Variants in SV2C observed in about 807,000 individuals in gnomAD.
SV2C encodes solute carrier family 22 member B3.
SV2C carries 49 observed loss-of-function variants against 79.7 expected under a neutral mutation model. The observed-to-expected ratio is 0.61, with a 90% CI of 0.49 to 0.78. The LOEUF (loss-of-function observed/expected upper bound fraction) is 0.78, where lower values mean the gene tolerates loss of function less well. Among genes scored for constraint, SV2C ranks in the 30% least tolerant of loss-of-function variants. The pLI, the probability that SV2C is intolerant of heterozygous loss-of-function variation, is 0.00. For synonymous variants in SV2C, 334 were observed against 333.2 expected (o/e 1.00, Z -0.03); for missense variants, 833 against 912.9 (o/e 0.91, Z 1.13).
the SV2C span, among the ~76,000 whole-genome samples, chr5:76,043,168 C>T: frequency 6.6e-6 from 1 of 152,164 alleles, no homozygotes; most frequent in African/African-American, 2.4e-5. Context: ...GAGAAGGATG[C>T]CTGCCAACCC....
intron 12 of SV2C, among the ~76,000 whole-genome samples, chr5:76,316,507 T>G (rs2913257): frequency 0.092 from 14,012 of 152,260 alleles, 705 homozygotes; most frequent in Admixed American, 0.14. Context: ...GCATCATTAG[T>G]TCAGGGCATG....
the SV2C span, among the ~76,000 whole-genome samples, chr5:75,998,247 C>T: frequency 6.6e-5 from 10 of 151,972 alleles, no homozygotes; most frequent in South Asian, 2.1e-4. Context: ...TGTTAAATGA[C>T]GAGTTAATGG....
chr5:75,882,240 G>T, the SV2C span, among the ~76,000 whole-genome samples: 5 of 151,830 alleles, frequency 3.3e-5, no homozygotes, highest in African/African-American at 9.7e-5. Context: ...GTTCATCGAG[G>T]AAATAAAAGA....
At chr5:76,071,421 G>A in the SV2C span, among the ~76,000 whole-genome samples, 2 of 152,210 alleles carry the variant, frequency 1.3e-5, no homozygotes, top group African/African-American at 4.8e-5. Flanking sequence ...TGTCATGCAG[G>A]AAATGGCTAA....
chr5:76,014,703 C>G, the SV2C span, among the ~76,000 whole-genome samples: 1 of 152,142 alleles, frequency 6.6e-6, no homozygotes, highest in African/African-American at 2.4e-5. Context: ...AACATACACT[C>G]ACACACCTTG....
rs184043994 is a variant in SV2C, at chr5:76,260,254, T to G, written c.914-24908T>G. 4.8e-3 allele frequency among the ~76,000 whole-genome samples: 738 copies of G among 152,342 alleles called. 29 individuals are homozygous for G. Among genetic ancestry groups the G allele is most frequent in the Admixed American group, 0.045 (690 of 15,300 alleles). ...CATAAATGTCTTCTTTTGAGAAGTG[T>G]CTGTTCATATCCTTCGCCTACTTTT... On this transcript the variant is annotated intron_variant, in intron 4 of 12. Transcript: ENST00000502798.
At chr5:76,103,130 T>C (rs1747797978) in intron 1 of SV2C, among the ~76,000 whole-genome samples, 1 of 152,196 alleles carries the variant, frequency 6.6e-6, no homozygotes, top group Non-Finnish European at 1.5e-5. Context: ...TTAAAACTGC[T>C]GAAATATTTA....
At chr5:76,051,971 A>G in the SV2C span, among the ~76,000 whole-genome samples, 3 of 152,142 alleles carry the variant, frequency 2.0e-5, no homozygotes, top group African/African-American at 7.2e-5. Context: ...ATTGTCTGCA[A>G]AGTAATAGAT....
chr5:76,008,668 C>G, the SV2C span, among the ~76,000 whole-genome samples: 8 of 152,154 alleles, frequency 5.3e-5, no homozygotes, highest in African/African-American at 1.9e-4. Context: ...TGAGTTATGG[C>G]AGGAGCCTAC....
At chr5:75,935,768 G>A in the SV2C span, among the ~76,000 whole-genome samples, 1,741 of 152,294 alleles carry the variant, frequency 0.011, 31 homozygotes, top group African/African-American at 0.04. Flanking sequence ...TGTTATTAGT[G>A]TTTACCTCTG....
the SV2C span, among the ~76,000 whole-genome samples, chr5:75,857,349 C>A: frequency 6.6e-6 from 1 of 152,052 alleles, no homozygotes; most frequent in Non-Finnish European, 1.5e-5. Flanking sequence ...TTCCCTGCAC[C>A]ATTTATTGAA....
chr5:76,235,852 T>G (rs1745594150), intron 4 of SV2C, among the ~76,000 whole-genome samples: 1 of 152,182 alleles, frequency 6.6e-6, no homozygotes, highest in Admixed American at 6.5e-5. Flanking sequence ...GCATGACTCT[T>G]TTTGCATCTA....
chr5:76,086,843 A>G (rs1747215806), intron 1 of SV2C, among the ~76,000 whole-genome samples: 1 of 152,230 alleles, frequency 6.6e-6, no homozygotes, highest in African/African-American at 2.4e-5. Flanking sequence ...ATGGGATACT[A>G]AAACACAATT....
intron 9 of SV2C, 79 bp from the exon 10 acceptor site, chr5:76,298,715 T>C: frequency 2.6e-6 from 4 of 1,539,048 alleles, no homozygotes; most frequent in Non-Finnish European, 2.7e-6. Context: ...GCATTCCATC[T>C]CTAAAACTAT....
chr5:76,239,002 C>T (rs1745699953), intron 4 of SV2C, among the ~76,000 whole-genome samples: 1 of 152,180 alleles, frequency 6.6e-6, no homozygotes, highest in African/African-American at 2.4e-5. Context: ...TCATTATTTT[C>T]AGCCTGTGTC....
At chr5:76,060,553 C>T in the SV2C span, among the ~76,000 whole-genome samples, 1 of 152,110 alleles carries the variant, frequency 6.6e-6, no homozygotes, top group South Asian at 2.1e-4. Flanking sequence ...GCTTCCTCAC[C>T]TCTCTCAGCC....
At chr5:76,072,809 G>A in the SV2C span, among the ~76,000 whole-genome samples, 7 of 152,136 alleles carry the variant, frequency 4.6e-5, no homozygotes, top group Admixed American at 3.9e-4. Flanking sequence ...GCAGAAGTAA[G>A]GTGGTATTTC....
At chr5:76,213,952 G>A (rs1041993109) in intron 4 of SV2C, among the ~76,000 whole-genome samples, 1 of 152,082 alleles carries the variant, frequency 6.6e-6, no homozygotes, top group Non-Finnish European at 1.5e-5. Flanking sequence ...ACATATCGGT[G>A]AGTTTGTGCA....
At chr5:76,171,720 G>GC (rs1474742907) in intron 2 of SV2C, among the ~76,000 whole-genome samples, 11 of 135,168 alleles carry the variant, frequency 8.1e-5, no homozygotes, top group South Asian at 4.9e-4. Flanking sequence ...GGGGGGGTCA[G>GC]CCCCCCGCCT....
Sources: allele counts gnomAD v4.1 joint callset (sites outside exome capture counted in the v4.1 genomes callset), GRCh38; gene constraint gnomAD v4.1.1; transcripts MANE v1.5; gene names NCBI Gene and HGNC (gene_info 2026-07-23, HGNC 2026-07-21).